Variants in TMEM91 observed in about 807,000 individuals in gnomAD.
The protein encoded by TMEM91 is transmembrane protein 91.
A neutral mutation model predicts 13.3 loss-of-function variants in TMEM91; 6 were observed. That is an observed-to-expected ratio of 0.45 (90% CI 0.25 to 0.89). TMEM91 has a LOEUF of 0.89. Ranked by LOEUF, TMEM91 falls within the 40% of genes least tolerant of loss-of-function variation. TMEM91 has a pLI of 0.19. For synonymous variants in TMEM91, 87 were observed against 101.7 expected (o/e 0.86, Z 0.87); for missense variants, 193 against 228.7 (o/e 0.84, Z 1.01).
intron 3 of TMEM91, chr19:41,383,498 AT>A: frequency 7.0e-7 from 1 of 1,433,904 alleles, no homozygotes; most frequent in South Asian, 1.6e-5. Flanking sequence ...GTTTTTATTT[AT>A]TTTTTAAAAT....
At chr19:41,372,584 T>C (rs2038641897), upstream of TMEM91, among the ~76,000 whole-genome samples, 1 of 152,192 alleles carries the variant, frequency 6.6e-6, no homozygotes, top group African/African-American at 2.4e-5. Flanking sequence ...CGACCTCCTT[T>C]GTAGAGTGTC....
chr19:41,382,961 AAG>A, intron 3 of TMEM91, 40 bp downstream of exon 3: 2 of 1,601,286 alleles, frequency 1.2e-6, no homozygotes, highest in Non-Finnish European at 8.5e-7. Flanking sequence ...CTGGGCATAA[AAG>A]AGAAAAATGC....
intron 1 of TMEM91, among the ~76,000 whole-genome samples, chr19:41,364,690 G>GA (rs2038485060): frequency 6.6e-6 from 1 of 152,062 alleles, no homozygotes; most frequent in South Asian, 2.1e-4. Context: ...CTACTACCAA[G>GA]TTCACTGTTA....
intron 2 of TMEM91, among the ~76,000 whole-genome samples, chr19:41,381,214 GTCT>G (rs1312353053): frequency 6.6e-6 from 1 of 151,786 alleles, no homozygotes; most frequent in Admixed American, 6.6e-5. Flanking sequence ...TAGTGACAGG[GTCT>G]TCTTGCTCCG....
intron 1 of TMEM91, among the ~76,000 whole-genome samples, chr19:41,368,610 A>G (rs1055929910): frequency 4.6e-5 from 7 of 151,336 alleles, no homozygotes; most frequent in Non-Finnish European, 7.4e-5. Context: ...GGGTTTCACC[A>G]TGTTGGCCAG....
intron 1 of TMEM91, among the ~76,000 whole-genome samples, chr19:41,365,565 C>G (rs918449593): frequency 2.6e-5 from 4 of 151,460 alleles, no homozygotes; most frequent in South Asian, 2.1e-4. Context: ...CCACCACACC[C>G]AGCTAATTTT....
At chr19:41,368,012 T>A (rs1189639597) in intron 1 of TMEM91, among the ~76,000 whole-genome samples, 4 of 152,086 alleles carry the variant, frequency 2.6e-5, no homozygotes, top group Non-Finnish European at 5.9e-5. Context: ...GCAGAAGTTG[T>A]AACTGCATGC....
chr19:41,375,818 AAAT>A (rs1295919450), upstream of TMEM91, among the ~76,000 whole-genome samples: 3 of 148,924 alleles, frequency 2.0e-5, no homozygotes, highest in African/African-American at 5.1e-5. Context: ...GTCTTTTAAA[AAAT>A]AATAATAAAA....
upstream of TMEM91, among the ~76,000 whole-genome samples, chr19:41,371,653 C>T (rs1437341183): frequency 2.0e-5 from 3 of 151,780 alleles, no homozygotes; most frequent in South Asian, 4.2e-4. Flanking sequence ...CTCTTGACCT[C>T]GTGATCGGCC....
intron 1 of TMEM91, among the ~76,000 whole-genome samples, chr19:41,369,095 A>G (rs1306130597): frequency 6.6e-6 from 1 of 152,142 alleles, no homozygotes; most frequent in Non-Finnish European, 1.5e-5. Flanking sequence ...AGCCTGGGCA[A>G]CTGAGTGAGA....
At chr19:41,367,282 TAGG>T (rs1366752139) in intron 1 of TMEM91, among the ~76,000 whole-genome samples, 1 of 152,208 alleles carries the variant, frequency 6.6e-6, no homozygotes, top group East Asian at 1.9e-4. Context: ...AACATTCTGA[TAGG>T]AGGAGGAGTA....
chr19:41,364,703 G>A (rs577140682), intron 1 of TMEM91, among the ~76,000 whole-genome samples: 1 of 152,140 alleles, frequency 6.6e-6, no homozygotes, highest in African/African-American at 2.4e-5. Context: ...CACTGTTACT[G>A]CTTGATTCTG....
At chr19:41,381,421 C>T (rs999385640) in intron 2 of TMEM91, among the ~76,000 whole-genome samples, 19 of 146,606 alleles carry the variant, frequency 1.3e-4, no homozygotes, top group African/African-American at 4.6e-4. Context: ...AGGGCAGTAG[C>T]GCAATCTCGG....
intron 1 of TMEM91, among the ~76,000 whole-genome samples, chr19:41,369,514 A>G (rs1175369664): frequency 6.7e-6 from 1 of 150,012 alleles, no homozygotes; most frequent in Non-Finnish European, 1.5e-5. Flanking sequence ...TCTAAAAAAA[A>G]AAAAAAAAGG....
At chr19:41,375,803 A>AC, upstream of TMEM91, among the ~76,000 whole-genome samples, 1 of 150,550 alleles carries the variant, frequency 6.6e-6, no homozygotes. Context: ...TCAGAGCAAG[A>AC]CCCCGTCTTT....
intron 1 of TMEM91, among the ~76,000 whole-genome samples, chr19:41,365,838 G>A (rs1231205760): frequency 6.8e-6 from 1 of 148,094 alleles, no homozygotes; most frequent in Non-Finnish European, 1.5e-5. Flanking sequence ...AGCCTCCTTA[G>A]TAGCTGGGAT....
intron 1 of TMEM91, among the ~76,000 whole-genome samples, chr19:41,367,386 A>C (rs971658397): frequency 6.6e-6 from 1 of 151,924 alleles, no homozygotes; most frequent in Non-Finnish European, 1.5e-5. Context: ...TAATCCCAGC[A>C]CTTTGGGAGG....
upstream of TMEM91, among the ~76,000 whole-genome samples, chr19:41,375,132 C>T (rs2038687741): frequency 1.3e-5 from 2 of 152,110 alleles, no homozygotes; most frequent in Admixed American, 1.3e-4. Flanking sequence ...AACTCCTAAC[C>T]CACCTGCCTC....
intron 2 of TMEM91, among the ~76,000 whole-genome samples, chr19:41,381,693 G>T (rs1278367531): frequency 6.6e-6 from 1 of 151,736 alleles, no homozygotes; most frequent in Non-Finnish European, 1.5e-5. Context: ...ATTTTTTTTT[G>T]TAGAGATGGG....
Sources: allele counts gnomAD v4.1 joint callset (sites outside exome capture counted in the v4.1 genomes callset), GRCh38; gene constraint gnomAD v4.1.1; transcripts MANE v1.5; gene names NCBI Gene and HGNC (gene_info 2026-07-23, HGNC 2026-07-21).